MAPKAP1: variants seen among roughly 807,000 people sequenced by gnomAD.
The protein encoded by MAPKAP1 is MAPK associated protein 1, also known as target of rapamycin complex 2 subunit MAPKAP1.
A neutral mutation model predicts 65.7 loss-of-function variants in MAPKAP1; 20 were observed. The ratio of observed to expected loss-of-function variants is 0.30; its 90% confidence interval spans 0.21 to 0.44. MAPKAP1 has a LOEUF of 0.44. MAPKAP1 is among the 20% of genes least tolerant of loss of function. The probability of loss-of-function intolerance (pLI) is 1.00; values close to 1 mark genes in which losing one functional copy is unlikely to be tolerated. For missense variants in MAPKAP1, 423 were observed against 648.0 expected, an observed-to-expected ratio of 0.65 and a Z score of 3.77; for synonymous variants, 222 against 244.3, an observed-to-expected ratio of 0.91 and a Z score of 0.85.
At chr9:125,613,302 G>C (rs973038821) in intron 4 of MAPKAP1, among the ~76,000 whole-genome samples, 2 of 152,152 alleles carry the variant, frequency 1.3e-5, no homozygotes, top group Non-Finnish European at 2.9e-5. Flanking sequence ...GGAATAAAGC[G>C]CATATTTCCC....
intron 4 of MAPKAP1, among the ~76,000 whole-genome samples, chr9:125,603,234 A>G (rs1345811014): frequency 1.3e-5 from 2 of 152,178 alleles, no homozygotes; most frequent in African/African-American, 4.8e-5. Context: ...TTCAAGAAGC[A>G]GTGGTCAAGC....
intron 4 of MAPKAP1, among the ~76,000 whole-genome samples, chr9:125,656,630 GA>G (rs968679892): frequency 1.9e-4 from 28 of 146,078 alleles, no homozygotes; most frequent in East Asian, 1.2e-3. Flanking sequence ...ACCAGCTCAT[GA>G]AAAAAAAAAA....
intron 1 of MAPKAP1, among the ~76,000 whole-genome samples, chr9:125,700,270 C>A (rs1835556117): frequency 6.6e-6 from 1 of 152,170 alleles, no homozygotes. Flanking sequence ...AATTTCTCTG[C>A]TGAAATGGTA....
chr9:125,546,349 G>A (rs111612062), intron 6 of MAPKAP1, among the ~76,000 whole-genome samples: 1,664 of 152,270 alleles, frequency 0.011, 28 homozygotes, highest in African/African-American at 0.037. Flanking sequence ...CCCTCCAGAC[G>A]AATGCCAACT....
intron 6 of MAPKAP1, among the ~76,000 whole-genome samples, chr9:125,543,523 G>A (rs1007377214): frequency 5.6e-4 from 85 of 151,698 alleles, no homozygotes; most frequent in African/African-American, 1.9e-3. Flanking sequence ...TGATCTGCCC[G>A]CCTCGGCCTC....
intron 4 of MAPKAP1, among the ~76,000 whole-genome samples, chr9:125,588,595 C>G (rs1348012633): frequency 2.6e-5 from 4 of 152,210 alleles, no homozygotes; most frequent in African/African-American, 9.6e-5. Context: ...AAAACCATCT[C>G]ACTTCTATCT....
At chr9:125,648,708 C>T (rs1434881205) in intron 4 of MAPKAP1, among the ~76,000 whole-genome samples, 3 of 151,948 alleles carry the variant, frequency 2.0e-5, no homozygotes, top group African/African-American at 7.3e-5. Flanking sequence ...TTTGGGAGGC[C>T]GAGGCAGGCG....
chr9:125,662,173 G>A (rs1193561277), intron 3 of MAPKAP1, among the ~76,000 whole-genome samples: 1 of 152,104 alleles, frequency 6.6e-6, no homozygotes, highest in Non-Finnish European at 1.5e-5. Context: ...CTTGAGCCCA[G>A]GAGTTCAAGA....
chr9:125,693,626 TACACATATAC>T (rs1835257358), intron 1 of MAPKAP1, among the ~76,000 whole-genome samples: 1 of 148,100 alleles, frequency 6.8e-6, no homozygotes, highest in Non-Finnish European at 1.5e-5. Flanking sequence ...CACACATATA[TACACATATAC>T]ACACACATAT....
At chr9:125,574,584 G>A (rs888691458) in intron 5 of MAPKAP1, among the ~76,000 whole-genome samples, 6 of 152,156 alleles carry the variant, frequency 3.9e-5, no homozygotes, top group Non-Finnish European at 8.8e-5. Context: ...AAATAACGAA[G>A]TTGTCTGGAA....
At chr9:125,668,326 G>A (rs988609822) in intron 3 of MAPKAP1, among the ~76,000 whole-genome samples, 3 of 152,154 alleles carry the variant, frequency 2.0e-5, no homozygotes, top group Non-Finnish European at 4.4e-5. Flanking sequence ...CAATAGCAAC[G>A]ATACCTACAC....
intron 6 of MAPKAP1, among the ~76,000 whole-genome samples, chr9:125,554,490 G>A (rs1207572163): frequency 6.6e-6 from 1 of 152,188 alleles, no homozygotes; most frequent in Non-Finnish European, 1.5e-5. Flanking sequence ...AAAGCGTGGT[G>A]GGCCAAACGT....
intron 3 of MAPKAP1, among the ~76,000 whole-genome samples, chr9:125,663,198 T>C (rs1218973075): frequency 1.3e-5 from 2 of 152,218 alleles, no homozygotes; most frequent in Non-Finnish European, 2.9e-5. Flanking sequence ...CACTACTGAC[T>C]TCTCTGATCC....
chr9:125,657,786 C>G lies in MAPKAP1; in HGVS notation c.363G>C (p.Lys121Asn). Residue 121 changes from lysine to asparagine, a missense_variant, in exon 4 of 12, where the codon AAG (lysine) becomes AAC (asparagine). Physicochemically the swap from Lys to Asn is moderately conservative, Grantham distance 94 (BLOSUM62 0). Around this residue, in one of 6 missense-constraint regions of MAPKAP1, gnomAD observed 67 missense variants for 69.6 expected, o/e 0.96. Coordinates refer to ENST00000265960, the MANE Select transcript of MAPKAP1 (RefSeq NM_001006617.3). ...RNSKQSAQEL[K>N]SLFEKKSLKE... is the part of the protein sequence containing the mutation. ...TGAGAGATTTTTTTTCAAACAGTGA[C>G]TTTAACTCCTGGGCTGTGATACAAG... 6.2e-7 allele frequency: 1 copy of G among 1,613,706 alleles called. No homozygotes were observed. Among genetic ancestry groups the G allele is most frequent in the Non-Finnish European group, 8.5e-7 (1 of 1,179,810 alleles).
chr9:125,667,169 T>C (rs1834362454), intron 3 of MAPKAP1, among the ~76,000 whole-genome samples: 1 of 152,158 alleles, frequency 6.6e-6, no homozygotes, highest in Non-Finnish European at 1.5e-5. Flanking sequence ...TGTGAAACAA[T>C]GAACAAAAAT....
At chr9:125,442,146 A>G (rs960675786) in intron 11 of MAPKAP1, among the ~76,000 whole-genome samples, 1 of 151,300 alleles carries the variant, frequency 6.6e-6, no homozygotes, top group African/African-American at 2.4e-5. Context: ...AAAAAAAAAA[A>G]AAAAAAAAAT....
intron 4 of MAPKAP1, among the ~76,000 whole-genome samples, chr9:125,609,480 A>ATTTGTTTG (rs556292076): frequency 2.2e-4 from 33 of 152,032 alleles, no homozygotes; most frequent in African/African-American, 8.0e-4. Context: ...TTCTTTATTT[A>ATTTGTTTG]TTTGTTTGTT....
At chr9:125,537,130 A>G (rs949515122) in intron 7 of MAPKAP1, among the ~76,000 whole-genome samples, 6 of 152,204 alleles carry the variant, frequency 3.9e-5, no homozygotes, top group Non-Finnish European at 4.4e-5. Flanking sequence ...ATGGGCTTTG[A>G]GGTCAAAAAA....
At chr9:125,611,442 A>G (rs1209941652) in intron 4 of MAPKAP1, among the ~76,000 whole-genome samples, 1 of 152,210 alleles carries the variant, frequency 6.6e-6, no homozygotes, top group Non-Finnish European at 1.5e-5. Context: ...GAAGGATAAA[A>G]TAACACATTC....
Sources: allele counts gnomAD v4.1 joint callset (sites outside exome capture counted in the v4.1 genomes callset), GRCh38; gene constraint gnomAD v4.1.1; regional missense constraint gnomAD v4.1.1; transcripts MANE v1.5; gene names NCBI Gene and HGNC (gene_info 2026-07-23, HGNC 2026-07-21).